DOCK9: variants seen among roughly 807,000 people sequenced by gnomAD.
The protein encoded by DOCK9 is dedicator of cytokinesis 9.
A neutral mutation model predicts 263.3 loss-of-function variants in DOCK9; 89 were observed. That is an observed-to-expected ratio of 0.34 (90% CI 0.28 to 0.40). The LOEUF is 0.40. Ranked by LOEUF, DOCK9 falls within the 10% of genes least tolerant of loss-of-function variation. The pLI is 1.00. For missense variants in DOCK9, 2,140 were observed against 2,603.4 expected (o/e 0.82, Z 3.87); for synonymous variants, 976 against 973.1 (o/e 1.00, Z -0.06).
chr13:99,021,702 G>C (rs931093639), intron 1 of DOCK9, among the ~76,000 whole-genome samples: 2 of 151,132 alleles, frequency 1.3e-5, no homozygotes, highest in African/African-American at 4.9e-5. Flanking sequence ...AGTTAAGATA[G>C]CTTGTAAAAT....
At chr13:99,032,574 T>A (rs1430052377) in intron 1 of DOCK9, among the ~76,000 whole-genome samples, 2 of 152,136 alleles carry the variant, frequency 1.3e-5, no homozygotes, top group Non-Finnish European at 2.9e-5. Context: ...GGCTAGGTCC[T>A]CTTCCTCAAC....
intron 1 of DOCK9, chr13:99,015,604 C>T (rs747425149): frequency 6.3e-7 from 1 of 1,592,348 alleles, no homozygotes; most frequent in Non-Finnish European, 8.5e-7. Context: ...AGTAGTGCAA[C>T]CCATCCCCAA....
At chr13:99,021,187 T>A (rs1324819111) in intron 1 of DOCK9, among the ~76,000 whole-genome samples, 4 of 152,348 alleles carry the variant, frequency 2.6e-5, no homozygotes, top group South Asian at 4.1e-4. Flanking sequence ...TCTCTCTTCT[T>A]CTTTTGTCCC....
intron 7 of DOCK9, among the ~76,000 whole-genome samples, chr13:98,920,427 C>A (rs1290178119): frequency 6.6e-6 from 1 of 152,124 alleles, no homozygotes; most frequent in East Asian, 1.9e-4. Flanking sequence ...CTGCCATTAT[C>A]CTTATTTAAC....
At chr13:98,880,498 T>G in intron 26 of DOCK9, 49 bp downstream of exon 26, 1 of 1,611,868 alleles carries the variant, frequency 6.2e-7, no homozygotes, top group Non-Finnish European at 8.5e-7. Flanking sequence ...GTGGAGTGAA[T>G]TCCTGTTAAT....
intron 2 of DOCK9, among the ~76,000 whole-genome samples, chr13:98,946,977 C>T (rs564746819): frequency 4.6e-5 from 7 of 152,320 alleles, no homozygotes; most frequent in African/African-American, 9.6e-5. Context: ...GGCTTCAGTC[C>T]GTCATGCTCT....
At chr13:98,936,914 T>C (rs1595472769) in intron 2 of DOCK9, among the ~76,000 whole-genome samples, 1 of 152,238 alleles carries the variant, frequency 6.6e-6, no homozygotes, top group African/African-American at 2.4e-5. Context: ...ATTTAGCTTA[T>C]AGCGAAGTCC....
Position 98,904,695 on chromosome 13 carries a change from T to C in DOCK9, c.972A>G (p.Glu324=). ...YLPELAKSAR[E]AEIKLKSESR... is the part of the protein sequence containing the mutation. ...TTTCACTTTTCAGTTTGATTTCTGC[T>C]TCTCTTGCACTCTGATAACAAGATA... The change falls in exon 10 of 53, where the codon GAA becomes GAG. Residue 324 remains glutamate (E), a synonymous_variant. Transcript: ENST00000682017. 1 of 1,554,918 alleles carries C rather than the reference T, an allele frequency of 6.4e-7. No homozygotes were observed. The highest frequency in any genetic ancestry group is 1.4e-5 in the African/African-American group (1 of 73,496).
At chr13:98,881,049 C>A (rs568288614) in intron 25 of DOCK9, among the ~76,000 whole-genome samples, 2 of 152,288 alleles carry the variant, frequency 1.3e-5, no homozygotes, top group South Asian at 4.1e-4. Context: ...AGAATATGTG[C>A]ATCTGTTTAG....
At chr13:98,880,401 G>A (rs2142629333) in intron 26 of DOCK9, 146 bp downstream of exon 26, 1 of 1,005,758 alleles carries the variant, frequency 9.9e-7, no homozygotes, top group Non-Finnish European at 1.5e-6. Flanking sequence ...GACACAATTA[G>A]AAAAGTTGGT....
intron 38 of DOCK9, 66 bp downstream of exon 38, chr13:98,845,858 G>C: frequency 1.3e-6 from 2 of 1,581,550 alleles, no homozygotes; most frequent in Non-Finnish European, 1.7e-6. Context: ...GTGTGGCCTA[G>C]GGCTCTCCCC....
intron 27 of DOCK9, among the ~76,000 whole-genome samples, chr13:98,878,398 T>A (rs2044202328): frequency 6.6e-6 from 1 of 152,216 alleles, no homozygotes; most frequent in African/African-American, 2.4e-5. Context: ...ATTCTTTTTC[T>A]CCCCCATCAC....
intron 1 of DOCK9, among the ~76,000 whole-genome samples, chr13:99,058,989 C>T (rs1433991976): frequency 6.6e-6 from 1 of 152,206 alleles, no homozygotes; most frequent in East Asian, 1.9e-4. Context: ...TGACACCTGA[C>T]CTCCTGGAGG....
intron 1 of DOCK9, among the ~76,000 whole-genome samples, chr13:99,082,516 T>C (rs922396960): frequency 7.1e-6 from 1 of 141,230 alleles, no homozygotes; most frequent in African/African-American, 2.5e-5. Flanking sequence ...CAAGACTCCA[T>C]CTCAAAAAAA....
At chr13:98,812,151 G>GTTTTTTT (rs2091364196) in intron 45 of DOCK9, among the ~76,000 whole-genome samples, 1 of 82,366 alleles carries the variant, frequency 1.2e-5, no homozygotes, top group African/African-American at 5.4e-5. Flanking sequence ...TTTTTTTTTC[G>GTTTTTTT]GTTTTGCTAC....
At chr13:98,831,942 T>G (rs2092779982) in intron 39 of DOCK9, 156 bp from the exon 40 acceptor site, 5 of 878,214 alleles carry the variant, frequency 5.7e-6, no homozygotes, top group Non-Finnish European at 6.7e-6. Flanking sequence ...ACAGAATTCT[T>G]TTGTAGAACA....
chr13:99,015,074 T>G (rs146201223), intron 1 of DOCK9, among the ~76,000 whole-genome samples: 1 of 152,110 alleles, frequency 6.6e-6, no homozygotes, highest in Non-Finnish European at 1.5e-5. Context: ...GACTGGAATG[T>G]AAAGGGGCTA....
intron 15 of DOCK9, among the ~76,000 whole-genome samples, chr13:98,895,146 G>GGA (rs551865031): frequency 7.7e-6 from 1 of 130,568 alleles, no homozygotes; most frequent in Non-Finnish European, 1.6e-5. Flanking sequence ...CTCCATCTCG[G>GGA]AAAAAAAAAA....
At chr13:99,013,863 C>A (rs1884948062) in intron 1 of DOCK9, among the ~76,000 whole-genome samples, 1 of 152,164 alleles carries the variant, frequency 6.6e-6, no homozygotes, top group African/African-American at 2.4e-5. Context: ...TTCAGAGGGC[C>A]ACTCTGCTGC....
Sources: allele counts gnomAD v4.1 joint callset (sites outside exome capture counted in the v4.1 genomes callset), GRCh38; gene constraint gnomAD v4.1.1; transcripts MANE v1.5; gene names NCBI Gene and HGNC (gene_info 2026-07-23, HGNC 2026-07-21).